The following SULT1C2 variants were observed in gnomAD, a reference collection of about 807,000 sequenced individuals.
SULT1C2 encodes sulfotransferase family 1C member 2.
A neutral mutation model predicts 36.0 loss-of-function variants in SULT1C2; 27 were observed. The observed-to-expected ratio is 0.75, with a 90% CI of 0.55 to 1.03. The LOEUF (loss-of-function observed/expected upper bound fraction) is 1.03. Ranked by LOEUF, SULT1C2 falls within the 50% of genes least tolerant of loss-of-function variation. The probability of loss-of-function intolerance (pLI) is 0.00; values close to 1 mark genes in which losing one functional copy is unlikely to be tolerated. For synonymous variants in SULT1C2, 121 were observed against 116.0 expected (o/e 1.04, Z -0.27); for missense variants, 395 against 359.2 (o/e 1.10, Z -0.80).
At chr2:108,298,452 C>T in intron 3 of SULT1C2, 1 of 178,710 alleles carries the variant, frequency 5.6e-6, no homozygotes, top group Non-Finnish European at 1.2e-5. Context: ...CAGCTCACTG[C>T]AGCCTCAATC....
rs1337238866 is a variant in SULT1C2 at position 108,308,541 on chromosome 2, G to C, written c.*77G>C. ...TTCAATCCTTCAGTCCCAGCCAGAA[G>C]AATCTCTGAAAGCATATTGTGAATG... On this transcript the variant is annotated 3_prime_UTR_variant, in exon 8 of 8. Transcript: ENST00000251481. 5.8e-6 allele frequency: 7 copies of C among 1,208,816 alleles called. No individual in the cohort carries two copies. The highest frequency in any genetic ancestry group is 8.1e-6 in the Non-Finnish European group (7 of 859,872). The allele number at this position is 1,208,816 out of a possible 1,614,324, so 74.9% of individuals were successfully genotyped here.
chr2:108,307,269 C>T (rs1677048338), intron 7 of SULT1C2, among the ~76,000 whole-genome samples: 2 of 152,310 alleles, frequency 1.3e-5, no homozygotes, highest in South Asian at 4.1e-4. Context: ...TCTTTCTATA[C>T]ACCCTCCTTC....
At position 108,300,987 on chromosome 2, in the gene SULT1C2, C is replaced by T. The variant is rs779252007; in HGVS notation, c.375+52C>T. On this transcript the variant is annotated intron_variant, in intron 4 of 7. Coordinates refer to ENST00000251481, the MANE Select transcript of SULT1C2 (RefSeq NM_001056.4). The stretch of plus-strand genomic sequence containing the variant: ...AGAAGGGAAAGTAAGCCAACCAAAG[C>T]GAGTCCTGCAGACCCCAACGCAGAG... 2.0e-5 allele frequency: 32 copies of T among 1,607,640 alleles called. No homozygotes were observed. In the African/African-American group the frequency reaches 2.3e-4, roughly 11 times the overall value.
At chr2:108,301,990 C>T (rs1443676105) in intron 4 of SULT1C2, 3 of 152,146 alleles carry the variant, frequency 2.0e-5, no homozygotes, top group African/African-American at 7.2e-5. Flanking sequence ...CTTCCATTTC[C>T]AGAATTATGG....
At chr2:108,301,063 G>A in intron 4 of SULT1C2, 128 bp downstream of exon 4, 1 of 1,216,752 alleles carries the variant, frequency 8.2e-7, no homozygotes, top group Non-Finnish European at 1.1e-6. Flanking sequence ...TACCAGCAAA[G>A]AGAAAACATA....
At chr2:108,296,198 T>C (rs543116296) in intron 3 of SULT1C2, among the ~76,000 whole-genome samples, 8 of 152,294 alleles carry the variant, frequency 5.3e-5, no homozygotes, top group Non-Finnish European at 1.2e-4. Flanking sequence ...AAGCAAGATT[T>C]CTAATGAAGT....
chr2:108,308,699 A>G lies in SULT1C2; in HGVS notation c.*235A>G. 2 of 440,316 alleles carry G rather than the reference A, an allele frequency of 4.5e-6. No homozygotes were observed. Among genetic ancestry groups the G allele is most frequent in the Non-Finnish European group, 8.0e-6 (2 of 249,990 alleles). The allele number at this position is 440,316 out of a possible 1,614,324, so 27.3% of individuals were successfully genotyped here. Reference sequence around the variant, plus strand: ...AGTAAGATATAAGGTAGCTTAATAAACTAAGTAAAACGTATGACTTGAGTA... The same window carrying G: ...AGTAAGATATAAGGTAGCTTAATAAGCTAAGTAAAACGTATGACTTGAGTA... On this transcript the variant is annotated 3_prime_UTR_variant, in exon 8 of 8. Coordinates refer to ENST00000251481, the MANE Select transcript of SULT1C2 (RefSeq NM_001056.4).
At chr2:108,295,157 C>T (rs979066530) in intron 3 of SULT1C2, among the ~76,000 whole-genome samples, 1 of 152,222 alleles carries the variant, frequency 6.6e-6, no homozygotes, top group Admixed American at 6.5e-5. Context: ...ATTCCCTGAT[C>T]TGATGCATAC....
At chr2:108,304,108 T>C (rs1371620050) in intron 4 of SULT1C2, 1 of 152,624 alleles carries the variant, frequency 6.6e-6, no homozygotes, top group Non-Finnish European at 1.5e-5. Context: ...CTGAAATGAT[T>C]AGAGATGGAA....
chr2:108,290,331 T>C (rs560400088), intron 1 of SULT1C2, among the ~76,000 whole-genome samples: 12 of 152,202 alleles, frequency 7.9e-5, no homozygotes, highest in Non-Finnish European at 1.5e-4. Flanking sequence ...GGAATAGGTC[T>C]CATCCTAGCA....
At chr2:108,304,468 C>G (rs894459205) in intron 4 of SULT1C2, 106 bp from the exon 5 acceptor site, 2 of 1,353,888 alleles carry the variant, frequency 1.5e-6, no homozygotes, top group Admixed American at 2.5e-5. Context: ...CACTGCAGAA[C>G]TGAGCCAGAG....
At chr2:108,295,256 C>T (rs1049095381) in intron 3 of SULT1C2, among the ~76,000 whole-genome samples, 1 of 152,246 alleles carries the variant, frequency 6.6e-6, no homozygotes, top group Non-Finnish European at 1.5e-5. Flanking sequence ...ACCATCCAGC[C>T]CCTCTGGCTC....
chr2:108,304,274 A>T lies in SULT1C2; in HGVS notation c.376-300A>T, dbSNP rs1457372595. On this transcript the variant is annotated intron_variant, in intron 4 of 7. Transcript: ENST00000251481. ...TGTGGAAGTCTCCTATTCAAGTGGCAGGTCATAGTTTACAGAAAAAGATTT... is the reference window on the plus strand; with the variant it reads ...TGTGGAAGTCTCCTATTCAAGTGGCTGGTCATAGTTTACAGAAAAAGATTT... The T allele has an allele frequency of 3.9e-5, 9 of 227,864 alleles. No homozygotes were observed. The East Asian group carries it at 7.7e-4, about 19-fold the overall frequency. 14.1% of individuals were successfully genotyped at this position (227,864 alleles called of 1,614,324 possible).
chr2:108,292,916 C>T (rs1472714351), intron 1 of SULT1C2, among the ~76,000 whole-genome samples: 4 of 152,144 alleles, frequency 2.6e-5, no homozygotes, highest in African/African-American at 4.8e-5. Context: ...CGGTGGCTCA[C>T]GCCTGTAATC....
Position 108,300,907 on chromosome 2 carries a change from C to T in SULT1C2, c.347C>T (p.Pro116Leu), listed in dbSNP as rs776485064. 1 of 1,614,170 alleles carries T rather than the reference C, an allele frequency of 6.2e-7. No individual in the cohort carries two copies. Among genetic ancestry groups the T allele is most frequent in the Non-Finnish European group, 8.5e-7 (1 of 1,180,022 alleles). ...LKTHLSTQLL[P>L]PSFWENNCKF... is the part of the protein sequence containing the mutation. ...ACTCACCTTTCCACTCAGCTGCTGCCACCGTCTTTCTGGGAAAACAACTGC... is the reference window on the plus strand; with the variant it reads ...ACTCACCTTTCCACTCAGCTGCTGCTACCGTCTTTCTGGGAAAACAACTGC... The change falls in exon 4 of 8, where the codon CCA (proline) becomes CTA (leucine). Residue 116 changes from proline to leucine, a missense_variant. Physicochemically the swap from Pro to Leu is moderately conservative, Grantham distance 98. Transcript: ENST00000251481.
intron 7 of SULT1C2, among the ~76,000 whole-genome samples, chr2:108,308,104 G>A (rs1200461515): frequency 6.6e-6 from 1 of 152,182 alleles, no homozygotes. Flanking sequence ...GTGGGGCCAG[G>A]TCATGCAGGC....
chr2:108,291,302 C>T (rs924273714), intron 1 of SULT1C2, among the ~76,000 whole-genome samples: 3 of 152,206 alleles, frequency 2.0e-5, no homozygotes, highest in African/African-American at 7.2e-5. Context: ...TGCTCTTCTA[C>T]ACCCTTGTCC....
chr2:108,289,128 T>C (rs1676531301), intron 1 of SULT1C2, 58 bp downstream of exon 1: 1 of 152,656 alleles, frequency 6.6e-6, no homozygotes, highest in Non-Finnish European at 1.5e-5. Flanking sequence ...TTTTTTAACC[T>C]TTAGCCACAT....
intron 5 of SULT1C2, 98 bp from the exon 6 acceptor site, chr2:108,305,074 G>A: frequency 7.4e-7 from 1 of 1,357,740 alleles, no homozygotes; most frequent in Non-Finnish European, 1.0e-6. Context: ...ACAGAATTTG[G>A]GTTTTCTCTC....
Sources: allele counts gnomAD v4.1 joint callset (sites outside exome capture counted in the v4.1 genomes callset), GRCh38; gene constraint gnomAD v4.1.1; transcripts MANE v1.5; gene names NCBI Gene and HGNC (gene_info 2026-07-23, HGNC 2026-07-21).